RHOBTB1: variants seen among roughly 807,000 people sequenced by gnomAD.
RHOBTB1 encodes Rho related BTB domain containing 1.
A neutral mutation model predicts 71.6 loss-of-function variants in RHOBTB1; 40 were observed. The observed-to-expected ratio is 0.56, with a 90% confidence interval of 0.43 to 0.73. The LOEUF (loss-of-function observed/expected upper bound fraction) is 0.73, where lower values mean the gene tolerates loss of function less well. Among genes scored for constraint, RHOBTB1 ranks in the 30% least tolerant of loss-of-function variants. The probability of loss-of-function intolerance (pLI) is 0.00; values close to 1 mark genes in which losing one functional copy is unlikely to be tolerated. For synonymous variants in RHOBTB1, 319 were observed against 334.9 expected (o/e 0.95, Z 0.52); for missense variants, 797 against 894.0 (o/e 0.89, Z 1.38).
intron 4 of RHOBTB1, among the ~76,000 whole-genome samples, chr10:60,908,315 TCAC>T (rs968084132): frequency 2.6e-5 from 4 of 152,210 alleles, no homozygotes; most frequent in African/African-American, 4.8e-5. Context: ...TCTCTCACTG[TCAC>T]CACAAGAATC....
intron 4 of RHOBTB1, among the ~76,000 whole-genome samples, chr10:60,905,691 TCCTGGTCC>T (rs2082644076): frequency 6.6e-6 from 1 of 152,094 alleles, no homozygotes; most frequent in Non-Finnish European, 1.5e-5. Flanking sequence ...CTGGTCCACC[TCCTGGTCC>T]ACTTGAAGTT....
chr10:60,863,161 T>G, the RHOBTB1 span, among the ~76,000 whole-genome samples: 1 of 152,152 alleles, frequency 6.6e-6, no homozygotes, highest in Non-Finnish European at 1.5e-5. Context: ...TAAAATGCTG[T>G]GTGGCAGAAA....
At chr10:60,867,672 G>A (rs1323556028), downstream of RHOBTB1, among the ~76,000 whole-genome samples, 2 of 152,178 alleles carry the variant, frequency 1.3e-5, no homozygotes, top group Non-Finnish European at 2.9e-5. Flanking sequence ...GCACCTGTAT[G>A]TTAGCCCAGT....
chr10:60,991,444 T>C (rs2086865013), intron 1 of RHOBTB1, among the ~76,000 whole-genome samples: 1 of 151,268 alleles, frequency 6.6e-6, no homozygotes, highest in African/African-American at 2.4e-5. Context: ...TTTTTTTTTT[T>C]TTTTGAGACA....
At chr10:60,864,667 A>G (rs1301144979), downstream of RHOBTB1, among the ~76,000 whole-genome samples, 1 of 151,790 alleles carries the variant, frequency 6.6e-6, no homozygotes, top group Non-Finnish European at 1.5e-5. Flanking sequence ...AAAATTTCAG[A>G]TGACTACTTA....
At chr10:60,938,769 T>TA (rs2084742639) in intron 2 of RHOBTB1, among the ~76,000 whole-genome samples, 1 of 152,188 alleles carries the variant, frequency 6.6e-6, no homozygotes, top group African/African-American at 2.4e-5. Flanking sequence ...TTCAAGTTCT[T>TA]AGACAGCGTT....
intron 1 of RHOBTB1, among the ~76,000 whole-genome samples, chr10:60,987,919 CTTTTTT>C (rs71018937): frequency 1.4e-3 from 73 of 53,720 alleles, no homozygotes; most frequent in African/African-American, 4.7e-3. Context: ...AAATACTCAA[CTTTTTT>C]TTTTTTTTTT....
At chr10:60,959,930 AAC>A (rs2085722098) in intron 2 of RHOBTB1, among the ~76,000 whole-genome samples, 1 of 152,194 alleles carries the variant, frequency 6.6e-6, no homozygotes. Flanking sequence ...GCACATATTA[AAC>A]ACACAATAAA....
chr10:60,935,087 C>G (rs1292970563), intron 2 of RHOBTB1, among the ~76,000 whole-genome samples: 1 of 152,060 alleles, frequency 6.6e-6, no homozygotes, highest in African/African-American at 2.4e-5. Flanking sequence ...TGGAAACAAC[C>G]CATCAACAGT....
intron 2 of RHOBTB1, among the ~76,000 whole-genome samples, chr10:60,949,418 C>T (rs1218734835): frequency 2.0e-5 from 3 of 152,188 alleles, no homozygotes; most frequent in Non-Finnish European, 4.4e-5. Context: ...GACCCTTCAG[C>T]GTGAGTAGCC....
the RHOBTB1 span, among the ~76,000 whole-genome samples, chr10:60,863,804 A>G: frequency 6.6e-6 from 1 of 152,174 alleles, no homozygotes; most frequent in Non-Finnish European, 1.5e-5. Context: ...AAGTGCTGGA[A>G]TCACAGGCAT....
At chr10:60,873,061 C>A (rs1267798658) in intron 9 of RHOBTB1, among the ~76,000 whole-genome samples, 2 of 152,126 alleles carry the variant, frequency 1.3e-5, no homozygotes, top group African/African-American at 2.4e-5. Context: ...TCCTCTGTGG[C>A]CCCATATCTC....
At chr10:60,918,774 T>C (rs575534249) in intron 2 of RHOBTB1, among the ~76,000 whole-genome samples, 4 of 151,412 alleles carry the variant, frequency 2.6e-5, no homozygotes, top group African/African-American at 9.7e-5. Context: ...GAGATGGAGT[T>C]TCACTCTTGT....
intron 2 of RHOBTB1, among the ~76,000 whole-genome samples, chr10:60,934,729 C>T (rs1016809932): frequency 2.6e-5 from 4 of 152,322 alleles, no homozygotes; most frequent in Admixed American, 1.3e-4. Flanking sequence ...GTCTATTATT[C>T]TCCCATGCTT....
intron 1 of RHOBTB1, chr10:61,001,293 T>TG (rs1163730849): frequency 6.6e-6 from 1 of 152,108 alleles, no homozygotes; most frequent in Non-Finnish European, 1.5e-5. Flanking sequence ...CCTGCGGATG[T>TG]GGGGACTGCG....
intron 7 of RHOBTB1, among the ~76,000 whole-genome samples, chr10:60,881,179 C>T (rs1285409750): frequency 1.3e-5 from 2 of 152,136 alleles, no homozygotes; most frequent in Non-Finnish European, 2.9e-5. Flanking sequence ...GTAAGATGTG[C>T]CTTTTGTCTT....
chr10:60,914,963 G>A (rs1281437763), intron 2 of RHOBTB1, among the ~76,000 whole-genome samples: 1 of 152,196 alleles, frequency 6.6e-6, no homozygotes, highest in Non-Finnish European at 1.5e-5. Context: ...TCAGGGCCCA[G>A]ATCACTTGCT....
chr10:60,982,604 T>G (rs903215726), intron 2 of RHOBTB1, among the ~76,000 whole-genome samples: 1 of 152,158 alleles, frequency 6.6e-6, no homozygotes, highest in South Asian at 2.1e-4. Context: ...CCAATCGTTA[T>G]AGCCAAAACA....
intron 4 of RHOBTB1, among the ~76,000 whole-genome samples, chr10:60,900,533 CGTACTATG>C (rs1400553024): frequency 5.3e-5 from 8 of 152,150 alleles, no homozygotes; most frequent in African/African-American, 1.9e-4. Flanking sequence ...TCTTTTCCAC[CGTACTATG>C]AGGTCATTTT....
Sources: gnomAD v4.1 joint callset for allele counts (sites outside exome capture counted in the v4.1 genomes callset) on GRCh38, gnomAD v4.1.1 for gene constraint, MANE v1.5 for transcripts, NCBI Gene and HGNC (gene_info 2026-07-23, HGNC 2026-07-21) for gene names.